The following DRD4 variants were observed in gnomAD, a reference collection of about 807,000 sequenced individuals.
DRD4 encodes dopamine receptor D4.
DRD4 carries 26 observed loss-of-function variants against 22.1 expected under a neutral mutation model. The observed-to-expected ratio is 1.17, with a 90% confidence interval of 0.86 to 1.63. The LOEUF (loss-of-function observed/expected upper bound fraction) is 1.63. Among genes scored for constraint, DRD4 ranks in the 40% most tolerant of loss-of-function variants. The probability of loss-of-function intolerance (pLI) is 0.00; values close to 1 mark genes in which losing one functional copy is unlikely to be tolerated. For missense variants in DRD4, 913 were observed against 632.4 expected, an observed-to-expected ratio of 1.44 and a Z score of -4.76; for synonymous variants, 455 against 306.7, an observed-to-expected ratio of 1.48 and a Z score of -5.05.
rs767327547 is a variant in DRD4, at chr11:640,139, C to T, written c.890C>T (p.Pro297Leu). The change falls in exon 3 of 4, where the codon CCC becomes CTC. Residue 297 changes from proline (P) to leucine (L), a missense_variant. Pro to Leu is a moderately conservative substitution (Grantham distance 98). Transcript: ENST00000176183. Reference sequence around the variant, plus strand: ...CCCTGCGGCCCCGACTGTGCGCCCCCCGCGCCCGGCCTCCCCCCGGACCCC... The same window carrying T: ...CCCTGCGGCCCCGACTGTGCGCCCCTCGCGCCCGGCCTCCCCCCGGACCCC... ...QDPCGPDCAP[P>L]APGLPPDPCG... 8 of 1,468,530 alleles carry T rather than the reference C, an allele frequency of 5.4e-6. No homozygotes were observed. The Middle Eastern group carries it at 7.3e-4, about 134-fold the overall frequency. 91.0% of individuals were successfully genotyped at this position (1,468,530 alleles called of 1,614,324 possible).
At chr11:639,154 C>T in intron 1 of DRD4, 1 of 475,538 alleles carries the variant, frequency 2.1e-6, no homozygotes, top group Admixed American at 3.5e-5. Flanking sequence ...ACTCTGGAGA[C>T]TGAGGTGGGA....
chr11:640,344 G>A (rs201086345), intron 3 of DRD4, 38 bp downstream of exon 3: 155 of 1,554,000 alleles, frequency 1.0e-4, no homozygotes, highest in South Asian at 7.8e-4. Context: ...GGAGAGGAGG[G>A]GGGGGGTACG....
In DRD4 at chr11:639,698, G is replaced by A; in HGVS notation, c.449G>A (p.Arg150His). The A allele has an allele frequency of 6.7e-7, 1 of 1,481,922 alleles. No homozygotes were observed. The highest frequency in any genetic ancestry group is 8.9e-7 in the Non-Finnish European group (1 of 1,122,034). 91.8% of individuals were successfully genotyped at this position (1,481,922 alleles called of 1,614,324 possible). ...PLRYNRQGGS[R>H]RQLLLIGATW... is the part of the protein sequence containing the mutation. ...CGCTACAACCGGCAGGGTGGGAGCC[G>A]CCGGCAGCTGCTGCTCATCGGCGCC... Residue 150 changes from arginine (R) to histidine (H), a missense_variant, in exon 3 of 4, where the codon CGC becomes CAC. By Grantham distance (29) the Arg-to-His change is conservative (BLOSUM62 0). Coordinates refer to ENST00000176183, the MANE Select transcript of DRD4 (RefSeq NM_000797.4).
chr11:639,327 G>GC (rs1013048090), intron 1 of DRD4, 106 bp from the exon 2 acceptor site: 6 of 1,068,874 alleles, frequency 5.6e-6, no homozygotes, highest in Non-Finnish European at 8.2e-6. Context: ...TCACAGCCGG[G>GC]CCCCCTTCTC....
chr11:637,616 T>C, intron 1 of DRD4, 27 bp downstream of exon 1: 1 of 1,539,708 alleles, frequency 6.5e-7, no homozygotes, highest in Non-Finnish European at 8.7e-7. Flanking sequence ...CGCACGAGCA[T>C]CCTCACCTGC....
intron 1 of DRD4, 126 bp from the exon 2 acceptor site, chr11:639,307 G>T (rs1277172373): frequency 1.2e-6 from 1 of 862,004 alleles, no homozygotes; most frequent in African/African-American, 1.8e-5. Context: ...CCGGTCCTCT[G>T]GCCTCTGGCT....
rs1302794889 is a variant in DRD4, at chr11:637,596, C to T, written c.285+7C>T. On this transcript the variant is annotated splice_region_variant and intron_variant, in intron 1 of 3. Coordinates refer to ENST00000176183, the MANE Select transcript of DRD4 (RefSeq NM_000797.4). ...GCTCTTCGTCTACTCCGAGGTGAGC[C>T]GCGTCCGGCCGCACGAGCATCCTCA... 1.2e-5 allele frequency: 18 copies of T among 1,543,440 alleles called. No homozygotes were observed. Among genetic ancestry groups the T allele is most frequent in the Non-Finnish European group, 1.5e-5 (17 of 1,148,524 alleles).
At chr11:639,309 C>A (rs1375562735) in intron 1 of DRD4, 124 bp from the exon 2 acceptor site, 4 of 886,512 alleles carry the variant, frequency 4.5e-6, no homozygotes, top group Non-Finnish European at 7.1e-6. Context: ...GGTCCTCTGG[C>A]CTCTGGCTCA....
At position 637,560 on chromosome 11, in the gene DRD4, C is replaced by A. The variant is rs1224655602; in HGVS notation, c.256C>A (p.Leu86Met). 74 of 1,558,610 alleles carry A rather than the reference C, an allele frequency of 4.7e-5. No individual in the cohort carries two copies. The highest frequency in any genetic ancestry group is 6.1e-5 in the Non-Finnish European group (71 of 1,156,460). The change falls in exon 1 of 4, where the codon CTG (leucine) becomes ATG (methionine). Residue 86 changes from leucine (L) to methionine (M), a missense_variant. Transcript: ENST00000176183. ...GGCCGCCGACCTCCTCCTCGCTCTC[C>A]TGGTGCTGCCGCTCTTCGTCTACTC... ...LAAADLLLAL[L>M]VLPLFVYSEV... is the part of the protein sequence containing the mutation.
In DRD4 at chr11:639,301, TCCTCTGG is replaced by T. The variant is rs72510007; in HGVS notation, c.286-123_286-117del. 2,908 of 814,148 alleles carry T rather than the reference TCCTCTGG, an allele frequency of 3.6e-3. 39 individuals are homozygous for T. The highest frequency in any genetic ancestry group is 0.03 in the African/African-American group (1,751 of 58,424). 50.4% of individuals were successfully genotyped at this position (814,148 alleles called of 1,614,324 possible). On this transcript the variant is annotated intron_variant, in intron 1 of 3. Coordinates refer to ENST00000176183, the MANE Select transcript of DRD4 (RefSeq NM_000797.4). ...GGGGAAGGGGTGTTTCCCTGCCCGGTCCTCTGGCCTCTGGCTCACAGCCGGGCCCCCT... is the reference window on the plus strand; with the variant it reads ...GGGGAAGGGGTGTTTCCCTGCCCGGTCCTCTGGCTCACAGCCGGGCCCCCT...
chr11:640,461 C>G lies in DRD4; in HGVS notation c.1118C>G (p.Pro373Arg). The change falls in exon 4 of 4, where the codon CCT becomes CGT. Residue 373 changes from proline (P) to arginine (R), a missense_variant. Physicochemically the swap from Pro to Arg is moderately radical, Grantham distance 103. Transcript: ENST00000176183. Reference protein sequence around the residue: ...FVVHITQALCPACSVPPRLVS... With the variant: ...FVVHITQALCRACSVPPRLVS... ...GTGCACATCACGCAGGCGCTGTGTC[C>G]TGCCTGCTCCGTGCCCCCGCGGCTG... is the stretch of plus-strand genomic sequence containing the variant. 6.2e-7 allele frequency: 1 copy of G among 1,602,104 alleles called. No individual in the cohort carries two copies. The highest frequency in any genetic ancestry group is 8.5e-7 in the Non-Finnish European group (1 of 1,179,796).
chr11:639,645 C>T lies in DRD4; in HGVS notation c.399-3C>T. 3 of 1,447,886 alleles carry T rather than the reference C, an allele frequency of 2.1e-6. No individual in the cohort carries two copies. The highest frequency in any genetic ancestry group is 2.7e-6 in the Non-Finnish European group (3 of 1,102,676). The allele number at this position is 1,447,886 out of a possible 1,614,324, so 89.7% of individuals were successfully genotyped here. A position where few individuals can be genotyped will look rare whatever the true frequency, so the allele number is the denominator to read the frequency against. ...TCCGGCGCCCCCTCGGCGCTCCCCG[C>T]AGGTTCGTGGCCGTGGCCGTGCCGC... is the stretch of plus-strand genomic sequence containing the variant. On this transcript the variant is annotated splice_region_variant and splice_polypyrimidine_tract_variant and intron_variant, in intron 2 of 3. Transcript: ENST00000176183.
intron 1 of DRD4, chr11:638,932 TATC>T: frequency 6.2e-6 from 1 of 160,606 alleles, no homozygotes; most frequent in East Asian, 1.9e-4. Context: ...AATTTTAAAA[TATC>T]AGCCGGGGGT....
At chr11:638,425 G>GT (rs1303644564) in intron 1 of DRD4, among the ~76,000 whole-genome samples, 1 of 152,216 alleles carries the variant, frequency 6.6e-6, no homozygotes, top group Non-Finnish European at 1.5e-5. Flanking sequence ...CAGTGACGAC[G>GT]TTTAAGCTCC....
At position 639,866 on chromosome 11, in the gene DRD4, C is replaced by G; in HGVS notation, c.617C>G (p.Pro206Arg). ...GTGTGCTCCTTCTTCCTACCCTGCC[C>G]GCTCATGCTGCTGCTCTACTGGGCC... ...SSVCSFFLPC[P>R]LMLLLYWATF... is the part of the protein sequence containing the mutation. The change falls in exon 3 of 4, where the codon CCG becomes CGG. Residue 206 changes from proline (P) to arginine (R), a missense_variant. Coordinates refer to ENST00000176183, the MANE Select transcript of DRD4 (RefSeq NM_000797.4). 1 of 1,584,426 alleles carries G rather than the reference C, an allele frequency of 6.3e-7. No individual in the cohort carries two copies. The highest frequency in any genetic ancestry group is 8.5e-7 in the Non-Finnish European group (1 of 1,172,850).
chr11:638,606 T>G (rs1858122771), intron 1 of DRD4, among the ~76,000 whole-genome samples: 1 of 152,068 alleles, frequency 6.6e-6, no homozygotes, highest in Admixed American at 6.6e-5. Flanking sequence ...CACCCTTGTC[T>G]TACAGATGAA....
chr11:638,288 T>G (rs905346424), intron 1 of DRD4, among the ~76,000 whole-genome samples: 6 of 151,998 alleles, frequency 3.9e-5, no homozygotes, highest in Admixed American at 1.3e-4. Context: ...AGACGCGGTG[T>G]CCCCGACTGT....
At position 640,280 on chromosome 11, in the gene DRD4, C is replaced by T. The variant is rs1261710605; in HGVS notation, c.1031C>T (p.Ala344Val). 4 of 1,535,002 alleles carry T rather than the reference C, an allele frequency of 2.6e-6. No homozygotes were observed. The South Asian group carries it at 3.6e-5, about 14-fold the overall frequency. ...RAKITGRERK[A>V]MRVLPVVVGA... ...AAGATCACCGGCCGGGAGCGCAAGG[C>T]CATGAGGGTCCTGCCGGTGGTGGTC... The change falls in exon 3 of 4, where the codon GCC becomes GTC. Residue 344 changes from alanine to valine, a missense_variant. By Grantham distance (64) the Ala-to-Val change is moderately conservative. Coordinates refer to ENST00000176183, the MANE Select transcript of DRD4 (RefSeq NM_000797.4).
In DRD4 at chr11:640,623, C is replaced by T. The variant is rs531147000; in HGVS notation, c.*20C>T. ...TGCTGAGCCGGGCACCCCCGGACGC[C>T]CCCCGGCCTGATGGCCAGGCCTCAG... On this transcript the variant is annotated 3_prime_UTR_variant, in exon 4 of 4. Transcript: ENST00000176183. 3.8e-6 allele frequency: 6 copies of T among 1,598,872 alleles called. No homozygotes were observed. The highest frequency in any genetic ancestry group is 2.2e-5 in the South Asian group (2 of 91,050).
Sources: gnomAD v4.1 joint callset for allele counts (sites outside exome capture counted in the v4.1 genomes callset) on GRCh38, gnomAD v4.1.1 for gene constraint, MANE v1.5 for transcripts, NCBI Gene and HGNC (gene_info 2026-07-23, HGNC 2026-07-21) for gene names.